SPTLC1: variants seen among roughly 807,000 people sequenced by gnomAD.
SPTLC1 encodes serine palmitoyltransferase long chain base subunit 1.
SPTLC1 carries 55 observed loss-of-function variants against 68.9 expected under a neutral mutation model. The ratio of observed to expected loss-of-function variants is 0.80; its 90% CI spans 0.64 to 1.00. The LOEUF (loss-of-function observed/expected upper bound fraction) is 1.00, where lower values mean the gene tolerates loss of function less well. SPTLC1 is among the 50% of genes least tolerant of loss of function. The probability of loss-of-function intolerance (pLI) is 0.00; values close to 1 mark genes in which losing one functional copy is unlikely to be tolerated. For missense variants in SPTLC1, 449 were observed against 573.1 expected (o/e 0.78, Z 2.21); for synonymous variants, 197 against 201.6 (o/e 0.98, Z 0.19).
At chr9:92,112,152 A>G (rs1373152537) in intron 2 of SPTLC1, among the ~76,000 whole-genome samples, 2 of 152,158 alleles carry the variant, frequency 1.3e-5, no homozygotes, top group Non-Finnish European at 2.9e-5. Context: ...AGCAACTCAC[A>G]CAACACTTAT....
chr9:92,088,193 G>A (rs1029210096), intron 3 of SPTLC1, among the ~76,000 whole-genome samples: 3 of 152,212 alleles, frequency 2.0e-5, no homozygotes, highest in South Asian at 2.1e-4. Context: ...GACCCCTTGC[G>A]CTTCCCAAGT....
intron 5 of SPTLC1, among the ~76,000 whole-genome samples, chr9:92,068,920 G>C (rs547538122): frequency 6.6e-6 from 1 of 152,162 alleles, no homozygotes; most frequent in Non-Finnish European, 1.5e-5. Context: ...TTATCAAGGA[G>C]GGAAAGGGAT....
chr9:92,044,184 C>T (rs561044791), intron 12 of SPTLC1, among the ~76,000 whole-genome samples: 5 of 152,172 alleles, frequency 3.3e-5, no homozygotes, highest in African/African-American at 7.2e-5. Flanking sequence ...TGTCATGAAA[C>T]GATGTGGAGC....
At chr9:92,084,572 T>C (rs986080953) in intron 3 of SPTLC1, among the ~76,000 whole-genome samples, 7 of 152,180 alleles carry the variant, frequency 4.6e-5, no homozygotes, top group Admixed American at 4.6e-4. Context: ...GAACCAGCCT[T>C]GCATCCCAGG....
chr9:92,103,853 A>C (rs946877560), intron 3 of SPTLC1, among the ~76,000 whole-genome samples: 1 of 152,152 alleles, frequency 6.6e-6, no homozygotes, highest in South Asian at 2.1e-4. Context: ...GCCAGCCAGC[A>C]CCTGGGCCAG....
At chr9:92,085,134 TTTTC>T (rs1379732404) in intron 3 of SPTLC1, among the ~76,000 whole-genome samples, 4 of 151,522 alleles carry the variant, frequency 2.6e-5, no homozygotes, top group African/African-American at 7.3e-5. Flanking sequence ...TTCTCTCTTT[TTTTC>T]TTTATTAGTC....
chr9:92,110,547 T>C (rs1235205325), intron 2 of SPTLC1: 1 of 152,228 alleles, frequency 6.6e-6, no homozygotes, highest in Non-Finnish European at 1.5e-5. Context: ...TTTCGACTCA[T>C]TAGATTATGA....
chr9:92,091,383 A>T (rs1311658015), intron 3 of SPTLC1, among the ~76,000 whole-genome samples: 1 of 152,256 alleles, frequency 6.6e-6, no homozygotes, highest in Non-Finnish European at 1.5e-5. Context: ...GCATCCAAGT[A>T]TTCAGACAGA....
Position 92,080,945 on chromosome 9 carries a change from A to C in SPTLC1, c.279T>G (p.Thr93=). Residue 93 remains threonine, a synonymous_variant, in exon 4 of 15, where the codon ACT becomes ACG. Coordinates refer to ENST00000262554, the MANE Select transcript of SPTLC1 (RefSeq NM_006415.4). Reference sequence around the variant, plus strand: ...TTATACATTCTTTTCCATTCACCACAGTTTTGTGGCTTGGAGGGCTAGGGA... The same window carrying C: ...TTATACATTCTTTTCCATTCACCACCGTTTTGTGGCTTGGAGGGCTAGGGA... ...NIVSGPPSHK[T]VVNGKECINF... is the part of the protein sequence containing the mutation. 1 of 1,614,096 alleles carries C rather than the reference A, an allele frequency of 6.2e-7. No homozygotes were observed. The highest frequency in any genetic ancestry group is 8.5e-7 in the Non-Finnish European group (1 of 1,179,956).
At chr9:92,111,399 T>G (rs1471909261) in intron 2 of SPTLC1, 6 of 152,210 alleles carry the variant, frequency 3.9e-5, no homozygotes, top group Non-Finnish European at 8.8e-5. Flanking sequence ...TAATGTTTAC[T>G]AATCAAGAAC....
At chr9:92,081,216 A>G (rs1315653487) in intron 3 of SPTLC1, among the ~76,000 whole-genome samples, 1 of 152,238 alleles carries the variant, frequency 6.6e-6, no homozygotes, top group Non-Finnish European at 1.5e-5. Flanking sequence ...GAATTCCAAG[A>G]TGAATGAATG....
At chr9:92,084,547 T>G (rs77868689) in intron 3 of SPTLC1, among the ~76,000 whole-genome samples, 2 of 152,260 alleles carry the variant, frequency 1.3e-5, no homozygotes, top group South Asian at 4.1e-4. Context: ...TTACATTTAT[T>G]GATTTGCATA....
At position 92,052,252 on chromosome 9, in the gene SPTLC1, T is replaced by C. The variant is rs151073785; in HGVS notation, c.781-2185A>G. Among the ~76,000 whole-genome samples, 1,082 of 152,210 alleles carry C rather than the reference T, an allele frequency of 7.1e-3. 18 individuals carry two copies. Among genetic ancestry groups the C allele is most frequent in the African/African-American group, 0.025 (1,057 of 41,510 alleles). On this transcript the variant is annotated intron_variant, in intron 8 of 14. Coordinates refer to ENST00000262554, the MANE Select transcript of SPTLC1 (RefSeq NM_006415.4). ...GGCATAGGACAGATATATAGAAGAA[T>C]GAAACAGAATAGAGTCTAGAAATAA... is the stretch of plus-strand genomic sequence containing the variant.
intron 2 of SPTLC1, 74 bp from the exon 3 acceptor site, chr9:92,108,908 A>G: frequency 1.3e-6 from 2 of 1,585,530 alleles, no homozygotes; most frequent in South Asian, 2.2e-5. Context: ...CAACTTCAGT[A>G]TTTCTTATTA....
chr9:92,078,990 GA>G (rs1284539449), intron 5 of SPTLC1: 10 of 924,190 alleles, frequency 1.1e-5, no homozygotes, highest in Non-Finnish European at 1.3e-5. Context: ...GAAGATGGAA[GA>G]TATTTCCCTT....
intron 3 of SPTLC1, among the ~76,000 whole-genome samples, chr9:92,094,412 T>TA (rs2118757089): frequency 6.6e-6 from 1 of 152,372 alleles, no homozygotes; most frequent in South Asian, 2.1e-4. Flanking sequence ...AGATTTTTGT[T>TA]ACACTACATT....
At chr9:92,047,545 T>C in intron 10 of SPTLC1, 68 bp downstream of exon 10, 1 of 1,085,706 alleles carries the variant, frequency 9.2e-7, no homozygotes, top group Non-Finnish European at 1.4e-6. Context: ...TATTTCAAAA[T>C]TATATTTTGA....
At chr9:92,039,846 TTAAATA>T (rs1422927372) in intron 12 of SPTLC1, among the ~76,000 whole-genome samples, 5 of 151,914 alleles carry the variant, frequency 3.3e-5, no homozygotes, top group South Asian at 2.1e-4. Flanking sequence ...TCTCCTTTCT[TTAAATA>T]TAAATATATC....
chr9:92,045,512 ACT>A (rs1470059929), intron 12 of SPTLC1, among the ~76,000 whole-genome samples: 82 of 114,952 alleles, frequency 7.1e-4, no homozygotes, highest in African/African-American at 2.6e-3. Context: ...AAAAAAAGTG[ACT>A]CTTGTGTAGT....
Sources: allele counts gnomAD v4.1 joint callset (sites outside exome capture counted in the v4.1 genomes callset), GRCh38; gene constraint gnomAD v4.1.1; transcripts MANE v1.5; gene names NCBI Gene and HGNC (gene_info 2026-07-23, HGNC 2026-07-21).